LAX1: variants seen among roughly 807,000 people sequenced by gnomAD.
LAX1 encodes lymphocyte transmembrane adapter 1.
LAX1 carries 17 observed loss-of-function variants against 20.7 expected under a neutral mutation model. The ratio of observed to expected loss-of-function variants is 0.82; its 90% CI spans 0.56 to 1.23. LAX1 has a LOEUF of 1.23. Ranked by LOEUF, LAX1 falls within the 50% of genes most tolerant of loss-of-function variation. LAX1 has a pLI of 0.00. For missense variants in LAX1, 470 were observed against 487.0 expected, an observed-to-expected ratio of 0.97 and a Z score of 0.33; for synonymous variants, 165 against 181.0, an observed-to-expected ratio of 0.91 and a Z score of 0.71.
intron 1 of LAX1, among the ~76,000 whole-genome samples, chr1:203,770,467 AAG>A (rs1667391362): frequency 1.6e-4 from 2 of 12,884 alleles, no homozygotes; most frequent in East Asian, 2.0e-3. Context: ...GGAAGGAAGG[AAG>A]GAAGGAAGGA....
At position 203,775,431 on chromosome 1, in the gene LAX1, A is replaced by C. The variant is rs1667496007; in HGVS notation, c.*750A>C. The C allele has an allele frequency of 6.6e-6, 1 of 152,118 alleles. No individual in the cohort carries two copies. Among genetic ancestry groups the C allele is most frequent in the Non-Finnish European group, 1.5e-5 (1 of 68,026 alleles). 9.4% of individuals were successfully genotyped at this position (152,118 alleles called of 1,614,324 possible). A position where few individuals can be genotyped will look rare whatever the true frequency, so the allele number is the denominator to read the frequency against. On this transcript the variant is annotated 3_prime_UTR_variant, in exon 5 of 5. Coordinates refer to ENST00000442561, the MANE Select transcript of LAX1 (RefSeq NM_017773.4). ...AACAAAAAAGAAGTGTGGGCAACCA[A>C]ATGTAGGTAAGGATGAAGAAGAACA...
chr1:203,769,397 AAAAGAAAG>A (rs1200921518), intron 1 of LAX1, among the ~76,000 whole-genome samples: 5 of 76,688 alleles, frequency 6.5e-5, no homozygotes, highest in African/African-American at 2.2e-4. Flanking sequence ...GTCTCAAAAA[AAAAGAAAG>A]AAAGAAAGAA....
At position 203,765,213 on chromosome 1, in the gene LAX1, C is replaced by T; in HGVS notation, c.-353C>T. ...GCTTTGGGTGTTGAAGGAAGACGAG[C>T]TTCTCACGGAGCCTCTCTTGAGCCT... On this transcript the variant is annotated 5_prime_UTR_variant, in exon 1 of 5. Coordinates refer to ENST00000442561, the MANE Select transcript of LAX1 (RefSeq NM_017773.4). The T allele has an allele frequency of 3.9e-6, 3 of 759,550 alleles. No individual in the cohort carries two copies. The Admixed American group carries it at 7.4e-5, about 19-fold the overall frequency. 47.1% of individuals were successfully genotyped at this position (759,550 alleles called of 1,614,324 possible). A position where few individuals can be genotyped will look rare whatever the true frequency, so the allele number is the denominator to read the frequency against.
In LAX1 at chr1:203,772,895, C is replaced by T. The variant is rs1286353814; in HGVS notation, c.390+748C>T. On this transcript the variant is annotated intron_variant, in intron 4 of 4. Coordinates refer to ENST00000442561, the MANE Select transcript of LAX1 (RefSeq NM_017773.4). ...TTCACCATATTGCCCAGGCTGGTCT[C>T]AAACACCTGAGCTCAAGCAATCTGC... is the stretch of plus-strand genomic sequence containing the variant. Among the ~76,000 whole-genome samples, 3 of 152,128 alleles carry T rather than the reference C, an allele frequency of 2.0e-5. No homozygotes were observed. In the East Asian group the frequency reaches 5.8e-4, roughly 29 times the overall value.
chr1:203,770,058 T>C (rs950026501), intron 1 of LAX1, among the ~76,000 whole-genome samples: 2 of 152,128 alleles, frequency 1.3e-5, no homozygotes, highest in African/African-American at 2.4e-5. Context: ...ACATGTTACT[T>C]TACCTTTCTG....
Position 203,771,392 on chromosome 1 carries a change from C to T in LAX1, c.225C>T (p.Thr75=), listed in dbSNP as rs755661172. The change falls in exon 3 of 5, where the codon ACC becomes ACT. Residue 75 remains threonine (T), a synonymous_variant. Coordinates refer to ENST00000442561, the MANE Select transcript of LAX1 (RefSeq NM_017773.4). ...GACAAGTTCCTTACCTCCGAGTTAC[C>T]GTCATGCCCTTGCTGACTTTGCCAC... The part of the protein sequence containing the change: ...KKRQVPYLRV[T]VMPLLTLPQT... 5.5e-5 allele frequency: 88 copies of T among 1,613,282 alleles called. No homozygotes were observed. Among genetic ancestry groups the T allele is most frequent in the Middle Eastern group, 1.6e-4 (1 of 6,082 alleles).
intron 1 of LAX1, among the ~76,000 whole-genome samples, chr1:203,767,628 T>G (rs1372204422): frequency 6.6e-6 from 1 of 152,118 alleles, no homozygotes; most frequent in Non-Finnish European, 1.5e-5. Context: ...TATTTTTAAT[T>G]TTTGAAGAAC....
Position 203,765,525 on chromosome 1 carries a change from A to C in LAX1, c.-41A>C. 1 of 1,613,096 alleles carries C rather than the reference A, an allele frequency of 6.2e-7. No homozygotes were observed. The highest frequency in any genetic ancestry group is 8.5e-7 in the Non-Finnish European group (1 of 1,179,558). ...AACTGATTATGATTAAGAGAAACTT[A>C]GAAGCTGAAGCCAGAGAGCATCTCA... is the stretch of plus-strand genomic sequence containing the variant. On this transcript the variant is annotated 5_prime_UTR_variant, in exon 1 of 5. Coordinates refer to ENST00000442561, the MANE Select transcript of LAX1 (RefSeq NM_017773.4).
chr1:203,769,455 A>AAGAAAGAAAGAAAGAAAGGAAGAAAGG (rs1191127943), intron 1 of LAX1, among the ~76,000 whole-genome samples: 1 of 66,412 alleles, frequency 1.5e-5, no homozygotes, highest in African/African-American at 4.6e-5. Flanking sequence ...GAAAGAAAGA[A>AAGAAAGAAAGAAAGAAAGGAAGAAAGG]AAGAAAAGAA....
At chr1:203,769,253 G>C (rs185898247) in intron 1 of LAX1, among the ~76,000 whole-genome samples, 7 of 151,726 alleles carry the variant, frequency 4.6e-5, no homozygotes, top group African/African-American at 1.2e-4. Flanking sequence ...TTAGCCGGGC[G>C]TGGTGGCGTG....
At chr1:203,772,463 T>C (rs1667438282) in intron 4 of LAX1, among the ~76,000 whole-genome samples, 1 of 152,234 alleles carries the variant, frequency 6.6e-6, no homozygotes, top group Non-Finnish European at 1.5e-5. Flanking sequence ...AGTCTTGTTC[T>C]GTCACCCAGG....
chr1:203,773,656 GATA>G (rs1173994466), intron 4 of LAX1, among the ~76,000 whole-genome samples: 11 of 147,988 alleles, frequency 7.4e-5, no homozygotes, highest in East Asian at 4.1e-4. Flanking sequence ...CTCTTCAGTT[GATA>G]ATATTTTCGT....
chr1:203,772,445 T>A (rs982231490), intron 4 of LAX1, among the ~76,000 whole-genome samples: 9 of 152,286 alleles, frequency 5.9e-5, no homozygotes, highest in African/African-American at 2.2e-4. Flanking sequence ...TTTTCTTTTT[T>A]GAGATGGAGT....
At chr1:203,771,225 T>C in intron 2 of LAX1, 142 bp from the exon 3 acceptor site, 1 of 713,600 alleles carries the variant, frequency 1.4e-6, no homozygotes, top group South Asian at 1.6e-5. Flanking sequence ...TGAAAATTCC[T>C]GTAGCTTGAG....
chr1:203,771,677 T>C lies in LAX1; in HGVS notation c.310+200T>C, dbSNP rs563698796. Among the ~76,000 whole-genome samples, 238 of 152,142 alleles carry C rather than the reference T, an allele frequency of 1.6e-3. 1 individual carries two copies. Among genetic ancestry groups the C allele is most frequent in the African/African-American group, 5.4e-3 (224 of 41,510 alleles). On this transcript the variant is annotated intron_variant, in intron 3 of 4. Transcript: ENST00000442561. ...AGGGCTCCAAAAAGGGAGCAGAGGG[T>C]CATCTGGGCTGGGAGTTTTGTTTTT...
Position 203,765,635 on chromosome 1 carries a change from A to T in LAX1, c.70A>T (p.Thr24Ser). The change falls in exon 1 of 5, where the codon ACT becomes TCT. Residue 24 changes from threonine (T) to serine (S), a missense_variant. By Grantham distance (58) the Thr-to-Ser change is moderately conservative. Transcript: ENST00000442561. ...RTLESSTLHVTPRSLDRNKDQ... is the reference protein window; with the variant it reads ...RTLESSTLHVSPRSLDRNKDQ... Reference sequence around the variant, plus strand: ...CTTGGAGTCCAGCACTCTGCATGTGACTCCCCGCAGCCTGGACAGGTGAGT... The same window carrying T: ...CTTGGAGTCCAGCACTCTGCATGTGTCTCCCCGCAGCCTGGACAGGTGAGT... The T allele has an allele frequency of 1.9e-6, 3 of 1,613,892 alleles. No homozygotes were observed. The highest frequency in any genetic ancestry group is 2.5e-6 in the Non-Finnish European group (3 of 1,179,966).
In LAX1 at chr1:203,774,193, G is replaced by T. The variant is rs1461169707; in HGVS notation, c.709G>T (p.Asp237Tyr). 6.2e-7 allele frequency: 1 copy of T among 1,614,104 alleles called. No homozygotes were observed. The highest frequency in any genetic ancestry group is 1.3e-5 in the African/African-American group (1 of 74,942). ...TGAGGAAAGAGATGAGGGCTGTGGA[G>T]ATGCTGGTGACTGCACCAGTTTGTA... ...FTEERDEGCG[D>Y]AGDCTSLYSP... The change falls in exon 5 of 5, where the codon GAT (aspartate) becomes TAT (tyrosine). Residue 237 changes from aspartate (D) to tyrosine (Y), a missense_variant. By Grantham distance (160) the Asp-to-Tyr change is radical (BLOSUM62 -3). Coordinates refer to ENST00000442561, the MANE Select transcript of LAX1 (RefSeq NM_017773.4).
intron 2 of LAX1, 84 bp downstream of exon 2, chr1:203,771,021 G>A: frequency 8.8e-6 from 10 of 1,138,040 alleles, no homozygotes; most frequent in African/African-American, 1.5e-5. Context: ...ATTTACCAGG[G>A]ATAAACTATT....
chr1:203,767,823 G>A (rs1667329443), intron 1 of LAX1, among the ~76,000 whole-genome samples: 1 of 152,116 alleles, frequency 6.6e-6, no homozygotes. Flanking sequence ...TAGACAAGTG[G>A]GAGAGTCAAA....
Sources: gnomAD v4.1 joint callset for allele counts (sites outside exome capture counted in the v4.1 genomes callset) on GRCh38, gnomAD v4.1.1 for gene constraint, MANE v1.5 for transcripts, NCBI Gene and HGNC (gene_info 2026-07-23, HGNC 2026-07-21) for gene names.